SVIL: variants seen among roughly 807,000 people sequenced by gnomAD.
The protein encoded by SVIL is supervillin, also known as archvillin.
Under a neutral mutation model 240.4 loss-of-function variants are expected in SVIL, and 101 were observed. That is an observed-to-expected ratio of 0.42 (90% CI 0.36 to 0.50). The LOEUF (loss-of-function observed/expected upper bound fraction) is 0.50. SVIL is among the 20% of genes least tolerant of loss of function. The pLI is 0.01. For synonymous variants in SVIL, 999 were observed against 1,100.0 expected, an observed-to-expected ratio of 0.91 and a Z score of 1.82; for missense variants, 2,512 against 2,818.7, an observed-to-expected ratio of 0.89 and a Z score of 2.46.
At chr10:29,623,367 A>T (rs1412488602) in intron 1 of SVIL, among the ~76,000 whole-genome samples, 1 of 152,218 alleles carries the variant, frequency 6.6e-6, no homozygotes, top group Non-Finnish European at 1.5e-5. Context: ...TACCCAACAG[A>T]ACAGTACCAG....
intron 9 of SVIL, 100 bp downstream of exon 9, chr10:29,531,902 C>T (rs1951394386): frequency 1.5e-6 from 2 of 1,355,084 alleles, no homozygotes; most frequent in Admixed American, 2.1e-5. Flanking sequence ...TATGGAATCG[C>T]CAACATCCTA....
At chr10:29,558,602 GTAT>G (rs1426168912) in intron 3 of SVIL, among the ~76,000 whole-genome samples, 1 of 151,728 alleles carries the variant, frequency 6.6e-6, no homozygotes, top group African/African-American at 2.4e-5. Flanking sequence ...TAATTAATGT[GTAT>G]TATATTACAT....
chr10:29,665,295 A>T (rs1305250829), intron 2 of SVIL, among the ~76,000 whole-genome samples: 2 of 151,832 alleles, frequency 1.3e-5, no homozygotes, highest in African/African-American at 2.4e-5. Context: ...GTAGAGTCAA[A>T]GCAATCGTGG....
rs796354450 is a variant in SVIL at position 29,688,231 on chromosome 10, C to T, written c.-399-1580G>A. Reference sequence around the variant, plus strand: ...TAGCTAATTCAGTTTGTGGATGCTTCGAGGCGGTGAGGCAGTGAGCCTGAC... The same window carrying T: ...TAGCTAATTCAGTTTGTGGATGCTTTGAGGCGGTGAGGCAGTGAGCCTGAC... On this transcript the variant is annotated intron_variant, in intron 1 of 35. Transcript: ENST00000375400. Among the ~76,000 whole-genome samples, 5 of 152,312 alleles carry T rather than the reference C, an allele frequency of 3.3e-5. No homozygotes were observed. In the East Asian group the frequency reaches 5.8e-4, roughly 18 times the overall value.
chr10:29,683,672 G>A (rs1960835950), intron 2 of SVIL, among the ~76,000 whole-genome samples: 1 of 152,154 alleles, frequency 6.6e-6, no homozygotes, highest in African/African-American at 2.4e-5. Context: ...ACACACACTT[G>A]CTTTGCACAT....
At position 29,517,227 on chromosome 10, in the gene SVIL, G is replaced by A. The variant is rs147114982; in HGVS notation, c.3390-4366C>T. The stretch of plus-strand genomic sequence containing the variant: ...AGGAGGTGGGAGACCAGCCTGGGCC[G>A]CAGAGCAAGACCCCGTCTCTACAAA... On this transcript the variant is annotated intron_variant, in intron 16 of 37. Coordinates refer to ENST00000355867, the MANE Select transcript of SVIL (RefSeq NM_021738.3). Among the ~76,000 whole-genome samples, 473 of 151,958 alleles carry A rather than the reference G, an allele frequency of 3.1e-3. 7 individuals carry two copies. The South Asian group carries it at 0.045, about 15-fold the overall frequency.
chr10:29,482,021 C>CTTTTTTTTTTTTTTTTTTTTTTTT (rs35856299), intron 27 of SVIL, among the ~76,000 whole-genome samples: 1 of 113,408 alleles, frequency 8.8e-6, no homozygotes. Flanking sequence ...CTTTTCTTTT[C>CTTTTTTTTTTTTTTTTTTTTTTTT]TTTTTTTTTT....
intron 3 of SVIL, among the ~76,000 whole-genome samples, chr10:29,651,618 T>TTCTCTCTCTCTCTCTCTCTCTCTC (rs9299622): frequency 1.3e-4 from 17 of 135,426 alleles, no homozygotes; most frequent in South Asian, 7.9e-4. Context: ...GCCACATGCA[T>TTCTCTCTCTCTCTCTCTCTCTCTC]TCTCTCTCTC....
chr10:29,526,715 C>A (rs893458372), intron 13 of SVIL, among the ~76,000 whole-genome samples: 1 of 152,188 alleles, frequency 6.6e-6, no homozygotes, highest in Non-Finnish European at 1.5e-5. Context: ...CAACTGGATA[C>A]GTGAGTTAGT....
At chr10:29,717,291 T>TC (rs1225983058) in intron 1 of SVIL, among the ~76,000 whole-genome samples, 1 of 139,966 alleles carries the variant, frequency 7.1e-6, no homozygotes, top group Non-Finnish European at 1.5e-5. Context: ...ATGTTTTTTT[T>TC]CACAGATATC....
intron 1 of SVIL, among the ~76,000 whole-genome samples, chr10:29,575,795 C>T (rs1336863824): frequency 1.3e-5 from 2 of 152,124 alleles, no homozygotes; most frequent in Non-Finnish European, 2.9e-5. Context: ...CTGACAGACA[C>T]ATGTGATGGA....
chr10:29,656,700 T>C (rs1959017099), intron 3 of SVIL, among the ~76,000 whole-genome samples: 1 of 152,174 alleles, frequency 6.6e-6, no homozygotes, highest in South Asian at 2.1e-4. Flanking sequence ...ATGATTACAT[T>C]TCTTCCCTGC....
At chr10:29,544,063 A>T (rs894369767) in intron 6 of SVIL, among the ~76,000 whole-genome samples, 1 of 152,178 alleles carries the variant, frequency 6.6e-6, no homozygotes, top group African/African-American at 2.4e-5. Context: ...CTAAGTATAT[A>T]ATAGTATATA....
intron 29 of SVIL, among the ~76,000 whole-genome samples, chr10:29,476,378 G>A (rs4747660): frequency 0.37 from 56,630 of 152,076 alleles, 10,894 homozygotes; most frequent in East Asian, 0.54. Context: ...ACAGACTTGA[G>A]TGTATATACA....
At chr10:29,539,840 C>T (rs1212692569) in intron 6 of SVIL, among the ~76,000 whole-genome samples, 1 of 152,178 alleles carries the variant, frequency 6.6e-6, no homozygotes, top group Non-Finnish European at 1.5e-5. Flanking sequence ...CCAACTTGTA[C>T]TGGAGTCTTC....
chr10:29,460,555 G>A (rs902841754), intron 36 of SVIL, among the ~76,000 whole-genome samples: 2 of 152,128 alleles, frequency 1.3e-5, no homozygotes, highest in Admixed American at 6.5e-5. Context: ...CTTGAAATTC[G>A]AGAAAGTTAT....
At chr10:29,555,329 C>T (rs1229217908) in intron 3 of SVIL, among the ~76,000 whole-genome samples, 1 of 137,352 alleles carries the variant, frequency 7.3e-6, no homozygotes, top group African/African-American at 2.8e-5. Context: ...CACACACACA[C>T]ACACACACAC....
chr10:29,647,955 A>C (rs1409042842), intron 3 of SVIL, among the ~76,000 whole-genome samples: 1 of 146,628 alleles, frequency 6.8e-6, no homozygotes, highest in Non-Finnish European at 1.5e-5. Context: ...TGAAATGATT[A>C]AACTTTTGTC....
chr10:29,599,730 T>A (rs1233226016), intron 1 of SVIL, among the ~76,000 whole-genome samples: 1 of 152,146 alleles, frequency 6.6e-6, no homozygotes, highest in Non-Finnish European at 1.5e-5. Context: ...CTTAAAACTT[T>A]GTGCAGTCCT....
Sources: allele counts gnomAD v4.1 joint callset (sites outside exome capture counted in the v4.1 genomes callset), GRCh38; gene constraint gnomAD v4.1.1; transcripts MANE v1.5; gene names NCBI Gene and HGNC (gene_info 2026-07-23, HGNC 2026-07-21).